Variants in ARHGEF12 observed in about 807,000 individuals in gnomAD.
ARHGEF12 encodes the protein KMT2A/ARHGEF12 fusion protein.
Under a neutral mutation model 211.2 loss-of-function variants are expected in ARHGEF12, and 66 were observed. The observed-to-expected ratio is 0.31, with a 90% CI of 0.26 to 0.38. The LOEUF (loss-of-function observed/expected upper bound fraction) is 0.38. Among genes scored for constraint, ARHGEF12 ranks in the 10% least tolerant of loss-of-function variants. The pLI is 1.00. For missense variants in ARHGEF12, 1,429 were observed against 1,869.5 expected (o/e 0.76, Z 4.34); for synonymous variants, 592 against 638.4 (o/e 0.93, Z 1.09).
rs1337068322 is a variant in ARHGEF12 at position 120,429,457 on chromosome 11, T to A, written c.603T>A (p.Val201=). Reference sequence around the variant, plus strand: ...TTTTCTAGGAGGAAAACAATGTGGTTCATAACCAGAAAGTAGAAATTCTGA... The same window carrying A: ...TTTTCTAGGAGGAAAACAATGTGGTACATAACCAGAAAGTAGAAATTCTGA... ...PVLMGEENNV[V]HNQKVEILRK... The change falls in exon 9 of 41, where the codon GTT becomes GTA. Residue 201 remains valine, a synonymous_variant. Transcript: ENST00000397843. 2 of 1,613,674 alleles carry A rather than the reference T, an allele frequency of 1.2e-6. No homozygotes were observed. The highest frequency in any genetic ancestry group is 1.7e-6 in the Non-Finnish European group (2 of 1,179,730).
At chr11:120,469,240 GT>G (rs761722340) in intron 29 of ARHGEF12, 47 bp from the exon 30 acceptor site, 59 of 1,411,926 alleles carry the variant, frequency 4.2e-5, no homozygotes, top group Non-Finnish European at 7.9e-6. Context: ...ATATTTTATG[GT>G]TTTTTGCTCA....
At chr11:120,364,816 ATTTTTTTT>A (rs59126463) in intron 1 of ARHGEF12, among the ~76,000 whole-genome samples, 1 of 132,458 alleles carries the variant, frequency 7.5e-6, no homozygotes, top group Admixed American at 7.8e-5. Context: ...ACATGTACCA[ATTTTTTTT>A]TTTTTTTTTT....
intron 16 of ARHGEF12, among the ~76,000 whole-genome samples, chr11:120,445,971 G>A (rs1282859295): frequency 6.6e-6 from 1 of 152,036 alleles, no homozygotes; most frequent in Non-Finnish European, 1.5e-5. Flanking sequence ...GGAGGCCGAG[G>A]CGGGTGGATC....
At chr11:120,393,714 AAC>A (rs1249652593) in intron 1 of ARHGEF12, among the ~76,000 whole-genome samples, 1 of 152,250 alleles carries the variant, frequency 6.6e-6, no homozygotes, top group Non-Finnish European at 1.5e-5. Flanking sequence ...CAAATCTACA[AAC>A]ATTGTCAGTT....
intron 21 of ARHGEF12, 25 bp downstream of exon 21, chr11:120,449,239 A>G (rs778108727): frequency 1.0e-5 from 16 of 1,584,664 alleles, no homozygotes; most frequent in South Asian, 8.9e-5. Flanking sequence ...GAAGTGCTGC[A>G]TTTTCAGTAC....
chr11:120,365,470 C>T (rs1259716194), intron 1 of ARHGEF12, among the ~76,000 whole-genome samples: 1 of 151,964 alleles, frequency 6.6e-6, no homozygotes, highest in Non-Finnish European at 1.5e-5. Context: ...AGGATGACTC[C>T]CAAGTTTCTG....
chr11:120,449,254 G>C, intron 21 of ARHGEF12, 40 bp downstream of exon 21: 1 of 1,508,232 alleles, frequency 6.6e-7, no homozygotes, highest in South Asian at 1.2e-5. Flanking sequence ...CAGTACTCCA[G>C]GCCCTCTTCA....
chr11:120,481,603 A>G, intron 39 of ARHGEF12, 27 bp downstream of exon 39: 2 of 1,601,304 alleles, frequency 1.2e-6, no homozygotes, highest in Non-Finnish European at 8.5e-7. Context: ...CATCCATAGG[A>G]CTTGGTTGTA....
intron 38 of ARHGEF12, 110 bp downstream of exon 38, chr11:120,480,540 T>TGTGTG: frequency 9.8e-7 from 1 of 1,024,668 alleles, no homozygotes. Context: ...TGTGTGTGTG[T>TGTGTG]TCACACATGT....
chr11:120,432,369 G>C (rs1198872094), intron 11 of ARHGEF12, among the ~76,000 whole-genome samples: 1 of 152,198 alleles, frequency 6.6e-6, no homozygotes, highest in African/African-American at 2.4e-5. Context: ...TTTAGTGACA[G>C]CACTTTCTTG....
intron 1 of ARHGEF12, among the ~76,000 whole-genome samples, chr11:120,345,010 A>G (rs1405017865): frequency 1.3e-5 from 2 of 152,042 alleles, no homozygotes; most frequent in Non-Finnish European, 2.9e-5. Flanking sequence ...AGTTTCCTTA[A>G]TAGATTCCTT....
intron 39 of ARHGEF12, among the ~76,000 whole-genome samples, chr11:120,483,056 A>C (rs1434149658): frequency 1.3e-5 from 2 of 152,204 alleles, no homozygotes; most frequent in Admixed American, 1.3e-4. Context: ...ATTCATCATT[A>C]GGCATTTTTA....
intron 12 of ARHGEF12, among the ~76,000 whole-genome samples, chr11:120,437,735 C>T (rs1209830594): frequency 6.6e-6 from 1 of 152,132 alleles, no homozygotes; most frequent in Non-Finnish European, 1.5e-5. Flanking sequence ...CTACATTTCC[C>T]CCTTCCCCCT....
At chr11:120,342,734 A>G (rs1437019815) in intron 1 of ARHGEF12, among the ~76,000 whole-genome samples, 1 of 152,238 alleles carries the variant, frequency 6.6e-6, no homozygotes, top group Non-Finnish European at 1.5e-5. Flanking sequence ...TTACCAAATC[A>G]ACTAATTAAG....
intron 4 of ARHGEF12, among the ~76,000 whole-genome samples, chr11:120,413,965 C>T (rs1381791758): frequency 6.6e-6 from 1 of 152,132 alleles, no homozygotes; most frequent in Non-Finnish European, 1.5e-5. Context: ...GGAGTTATGG[C>T]CTTCTTTCAG....
At chr11:120,476,862 G>C in intron 34 of ARHGEF12, 114 bp downstream of exon 34, 2 of 776,530 alleles carry the variant, frequency 2.6e-6, no homozygotes, top group South Asian at 2.1e-5. Flanking sequence ...CACTTCCTCT[G>C]TACTCTTTTA....
At position 120,478,021 on chromosome 11, in the gene ARHGEF12, G is replaced by T. The variant is rs1285487625; in HGVS notation, c.3533-135G>T. On this transcript the variant is annotated intron_variant, in intron 36 of 40. Coordinates refer to ENST00000397843, the MANE Select transcript of ARHGEF12 (RefSeq NM_015313.3). Reference sequence around the variant, plus strand: ...TCAGTATAACACTGTTCTAAGTGATGTGTATTTTTCTTAACAGATGATCTC... The same window carrying T: ...TCAGTATAACACTGTTCTAAGTGATTTGTATTTTTCTTAACAGATGATCTC... 5 of 647,308 alleles carry T rather than the reference G, an allele frequency of 7.7e-6. No homozygotes were observed. In the Admixed American group the frequency reaches 8.9e-5, roughly 11 times the overall value. 40.1% of individuals were successfully genotyped at this position (647,308 alleles called of 1,614,324 possible).
At chr11:120,406,528 A>C (rs1340886697) in intron 2 of ARHGEF12, among the ~76,000 whole-genome samples, 1 of 151,946 alleles carries the variant, frequency 6.6e-6, no homozygotes, top group East Asian at 1.9e-4. Context: ...CTTTGGTACT[A>C]GTTTAGTCTT....
chr11:120,374,881 A>C (rs114109685), intron 1 of ARHGEF12, among the ~76,000 whole-genome samples: 2,012 of 152,302 alleles, frequency 0.013, 54 homozygotes, highest in African/African-American at 0.046. Context: ...TCTACCATAC[A>C]GTATACAGGT....
Sources: gnomAD v4.1 joint callset for allele counts (sites outside exome capture counted in the v4.1 genomes callset) on GRCh38, gnomAD v4.1.1 for gene constraint, MANE v1.5 for transcripts, NCBI Gene and HGNC (gene_info 2026-07-23, HGNC 2026-07-21) for gene names.